The following MTREX variants were observed in gnomAD, a reference collection of about 807,000 sequenced individuals.
MTREX encodes Mtr4 exosome RNA helicase, also known as exosome RNA helicase MTR4.
In MTREX, 76 loss-of-function variants were observed where a neutral mutation model predicts 135.4. The ratio of observed to expected loss-of-function variants is 0.56; its 90% CI spans 0.47 to 0.68. MTREX has a LOEUF of 0.68. MTREX is among the 30% of genes least tolerant of loss of function. MTREX has a pLI of 0.00. For missense variants in MTREX, 920 were observed against 1,262.1 expected (o/e 0.73, Z 4.11); for synonymous variants, 404 against 401.6 (o/e 1.01, Z -0.07).
chr5:55,386,047 G>A (rs926492353), intron 18 of MTREX, among the ~76,000 whole-genome samples: 1 of 152,020 alleles, frequency 6.6e-6, no homozygotes, highest in Admixed American at 6.6e-5. Flanking sequence ...TTAATTTTGG[G>A]ATCTAGGTCA....
chr5:55,317,967 A>G (rs1430108394), intron 1 of MTREX, among the ~76,000 whole-genome samples: 1 of 152,260 alleles, frequency 6.6e-6, no homozygotes, highest in East Asian at 1.9e-4. Flanking sequence ...AAGGACATGA[A>G]CAGACATTTC....
intron 23 of MTREX, among the ~76,000 whole-genome samples, chr5:55,413,558 G>C (rs1166670865): frequency 6.6e-6 from 1 of 152,104 alleles, no homozygotes; most frequent in Non-Finnish European, 1.5e-5. Context: ...TAAGCAGCTT[G>C]TCCAACTTAA....
intron 5 of MTREX, among the ~76,000 whole-genome samples, chr5:55,329,908 A>T (rs1023967559): frequency 1.3e-5 from 2 of 151,976 alleles, no homozygotes; most frequent in Admixed American, 6.6e-5. Flanking sequence ...CTCTTGTTCC[A>T]GGACTCTTTT....
chr5:55,323,381 C>T lies in MTREX; in HGVS notation c.273-751C>T, dbSNP rs113124946. Among the ~76,000 whole-genome samples the T allele has an allele frequency of 6.1e-3, 926 of 152,036 alleles. 7 individuals carry two copies. Among genetic ancestry groups the T allele is most frequent in the African/African-American group, 0.022 (893 of 41,458 alleles). On this transcript the variant is annotated intron_variant, in intron 2 of 26. Transcript: ENST00000230640. The stretch of plus-strand genomic sequence containing the variant: ...CAGTTTTGCCTTTTCAGAGTCTTAA[C>T]AGAGGACCTAGATAGCATAATGTAG...
intron 12 of MTREX, among the ~76,000 whole-genome samples, chr5:55,350,594 T>C (rs1010703246): frequency 1.3e-5 from 2 of 152,200 alleles, no homozygotes; most frequent in African/African-American, 4.8e-5. Context: ...CCAGTATCTT[T>C]TAAGTTTATT....
At chr5:55,328,232 A>G (rs2112039485) in intron 4 of MTREX, among the ~76,000 whole-genome samples, 1 of 152,318 alleles carries the variant, frequency 6.6e-6, no homozygotes, top group African/African-American at 2.4e-5. Flanking sequence ...ATGGTAGAGT[A>G]TGCATGAACT....
chr5:55,349,703 A>G (rs1561193972), intron 12 of MTREX, 51 bp downstream of exon 12: 2 of 970,872 alleles, frequency 2.1e-6, no homozygotes, highest in South Asian at 1.3e-5. Context: ...TAGATTGCAT[A>G]TATTCACTTT....
chr5:55,372,082 A>G (rs1361413619), intron 16 of MTREX, among the ~76,000 whole-genome samples: 6 of 152,094 alleles, frequency 3.9e-5, no homozygotes, highest in African/African-American at 7.2e-5. Context: ...CCTGATTCCT[A>G]CAAATAGAAT....
In MTREX at chr5:55,403,348, A is replaced by G. The variant is rs570818031; in HGVS notation, c.2482-2077A>G. ...AACTGTATATCTGTGTTCTTTTATAAATATGTTGGGAAAGATCTTGTACAG... is the reference window on the plus strand; with the variant it reads ...AACTGTATATCTGTGTTCTTTTATAGATATGTTGGGAAAGATCTTGTACAG... On this transcript the variant is annotated intron_variant, in intron 21 of 26. Coordinates refer to ENST00000230640, the MANE Select transcript of MTREX (RefSeq NM_015360.5). Among the ~76,000 whole-genome samples the G allele has an allele frequency of 3.3e-5, 5 of 152,292 alleles. No individual in the cohort carries two copies. In the East Asian group the frequency reaches 9.7e-4, roughly 29 times the overall value.
chr5:55,425,441 T>C lies in MTREX; in HGVS notation c.*669T>C, dbSNP rs1240137310. ...TAAATATAAACAAAAGGATATACTT[T>C]GAGGTGTACAGATTAAGCATATAAA... On this transcript the variant is annotated 3_prime_UTR_variant, in exon 27 of 27. Transcript: ENST00000230640. 3 of 1,060,066 alleles carry C rather than the reference T, an allele frequency of 2.8e-6. No homozygotes were observed. The highest frequency in any genetic ancestry group is 4.0e-6 in the Non-Finnish European group (3 of 746,014). The allele number at this position is 1,060,066 out of a possible 1,614,324, so 65.7% of individuals were successfully genotyped here.
At chr5:55,390,715 A>G (rs1288749437) in intron 19 of MTREX, among the ~76,000 whole-genome samples, 1 of 152,182 alleles carries the variant, frequency 6.6e-6, no homozygotes, top group African/African-American at 2.4e-5. Flanking sequence ...TAGACCAGGA[A>G]CTAGGTGGAA....
intron 16 of MTREX, among the ~76,000 whole-genome samples, chr5:55,372,283 G>T (rs1049025885): frequency 6.6e-6 from 1 of 152,096 alleles, no homozygotes; most frequent in African/African-American, 2.4e-5. Context: ...CTGAAATACA[G>T]CTCCTGTAAG....
intron 1 of MTREX, among the ~76,000 whole-genome samples, chr5:55,310,237 A>G (rs1360219376): frequency 2.6e-5 from 4 of 152,236 alleles, no homozygotes; most frequent in Non-Finnish European, 5.9e-5. Flanking sequence ...AGGAAATAAG[A>G]AAACACAGGA....
At chr5:55,309,288 C>T (rs922801496) in intron 1 of MTREX, among the ~76,000 whole-genome samples, 1 of 152,076 alleles carries the variant, frequency 6.6e-6, no homozygotes, top group Admixed American at 6.5e-5. Context: ...GTTTTGATTT[C>T]ATTTTTAAAA....
chr5:55,314,319 T>G lies in MTREX; in HGVS notation c.134+6172T>G, dbSNP rs1176386473. The stretch of plus-strand genomic sequence containing the variant: ...TCCCAATCCCTAGAACGTTTGAAAT[T>G]GTTAGGTTACTTGGCAAAGGAGAAA... On this transcript the variant is annotated intron_variant, in intron 1 of 26. Transcript: ENST00000230640. 2.0e-5 allele frequency among the ~76,000 whole-genome samples: 3 copies of G among 152,234 alleles called. No homozygotes were observed. The East Asian group carries it at 5.8e-4, about 29-fold the overall frequency.
In MTREX at chr5:55,334,345, A is replaced by G. The variant is rs111782187; in HGVS notation, c.515+5534A>G. ...TTATGTGAATTTCACTTCAGTAAAA[A>G]GTAAACCTGATGAAGTACCTAATTG... On this transcript the variant is annotated intron_variant, in intron 5 of 26. Transcript: ENST00000230640. Among the ~76,000 whole-genome samples the G allele has an allele frequency of 5.8e-3, 887 of 152,216 alleles. 7 individuals carry two copies. Among genetic ancestry groups the G allele is most frequent in the African/African-American group, 0.021 (854 of 41,554 alleles).
At chr5:55,379,749 C>T (rs1391200808) in intron 18 of MTREX, among the ~76,000 whole-genome samples, 2 of 152,140 alleles carry the variant, frequency 1.3e-5, no homozygotes, top group African/African-American at 2.4e-5. Flanking sequence ...GGAAGTGTGA[C>T]ATTGAGTGCT....
intron 5 of MTREX, among the ~76,000 whole-genome samples, chr5:55,336,448 T>C (rs1308297012): frequency 6.6e-6 from 1 of 152,210 alleles, no homozygotes; most frequent in Non-Finnish European, 1.5e-5. Flanking sequence ...TATCAAGATA[T>C]GTTGTATTTT....
At chr5:55,416,904 CAT>C (rs1392538916) in intron 25 of MTREX, among the ~76,000 whole-genome samples, 2 of 152,056 alleles carry the variant, frequency 1.3e-5, no homozygotes, top group African/African-American at 2.4e-5. Context: ...AGAAAAATTA[CAT>C]GTTTAACATG....
Sources: allele counts gnomAD v4.1 joint callset (sites outside exome capture counted in the v4.1 genomes callset), GRCh38; gene constraint gnomAD v4.1.1; transcripts MANE v1.5; gene names NCBI Gene and HGNC (gene_info 2026-07-23, HGNC 2026-07-21).